Variants in LRP1B observed in about 807,000 individuals in gnomAD.
LRP1B encodes the protein LDL receptor related protein 1B, also known as low-density lipoprotein receptor-related protein 1B.
A neutral mutation model predicts 556.6 loss-of-function variants in LRP1B; 217 were observed. The ratio of observed to expected loss-of-function variants is 0.39; its 90% CI spans 0.35 to 0.44. The LOEUF (loss-of-function observed/expected upper bound fraction) is 0.44. Ranked by LOEUF, LRP1B falls within the 20% of genes least tolerant of loss-of-function variation. The pLI, the probability that LRP1B is intolerant of heterozygous loss-of-function variation, is 1.00. For missense variants in LRP1B, 5,053 were observed against 5,620.8 expected, an observed-to-expected ratio of 0.90 and a Z score of 3.23; for synonymous variants, 2,047 against 1,865.8, an observed-to-expected ratio of 1.10 and a Z score of -2.50.
Position 141,967,597 on chromosome 2 carries a change from C to T in LRP1B, c.83-157196G>A, listed in dbSNP as rs369774455. 3.2e-3 allele frequency among the ~76,000 whole-genome samples: 479 copies of T among 151,766 alleles called. 2 individuals carry two copies. The highest frequency in any genetic ancestry group is 6.6e-3 in the Admixed American group (101 of 15,196). On this transcript the variant is annotated intron_variant, in intron 1 of 90. Coordinates refer to ENST00000389484, the MANE Select transcript of LRP1B (RefSeq NM_018557.3). ...TAAAATTCAGAAAGTATAAATTAGA[C>T]AGTCAGAGAGGGAGGCACTATTTAA...
In LRP1B at chr2:141,337,989, T is replaced by A. The variant is rs541489682; in HGVS notation, c.344-83348A>T. On this transcript the variant is annotated intron_variant, in intron 3 of 90. Coordinates refer to ENST00000389484, the MANE Select transcript of LRP1B (RefSeq NM_018557.3). ...AAGTGCTGGGTCTTATTTTAAGTTC[T>A]ATGGAGGATGCTGATATTTTAATGC... Among the ~76,000 whole-genome samples, 13 of 152,288 alleles carry A rather than the reference T, an allele frequency of 8.5e-5. No individual in the cohort carries two copies. The South Asian group carries it at 2.5e-3, about 29-fold the overall frequency.
intron 35 of LRP1B, among the ~76,000 whole-genome samples, chr2:140,766,844 T>TATATATATATAA (rs1491148843): frequency 3.6e-5 from 2 of 54,936 alleles, no homozygotes; most frequent in African/African-American, 1.2e-4. Flanking sequence ...TATATATATA[T>TATATATATATAA]TATATATATA....
At chr2:142,053,411 T>C (rs1378121376) in intron 1 of LRP1B, among the ~76,000 whole-genome samples, 1 of 152,068 alleles carries the variant, frequency 6.6e-6, no homozygotes, top group Admixed American at 6.6e-5. Context: ...AATACAACTC[T>C]TAGACTCCAA....
At chr2:141,826,562 T>C (rs1696936384) in intron 1 of LRP1B, among the ~76,000 whole-genome samples, 1 of 152,156 alleles carries the variant, frequency 6.6e-6, no homozygotes, top group East Asian at 1.9e-4. Context: ...TGTTTCACCA[T>C]GTTAGCCAGG....
At chr2:141,650,132 A>T (rs577881766) in intron 2 of LRP1B, among the ~76,000 whole-genome samples, 27 of 152,328 alleles carry the variant, frequency 1.8e-4, no homozygotes, top group African/African-American at 6.0e-4. Context: ...GTCAGCCAAG[A>T]TTGTGCCAAT....
chr2:141,916,228 G>C (rs185868951), intron 1 of LRP1B, among the ~76,000 whole-genome samples: 21 of 151,982 alleles, frequency 1.4e-4, no homozygotes, highest in Admixed American at 6.6e-5. Flanking sequence ...ATACACCACC[G>C]GATACTACCC....
chr2:140,809,181 T>C lies in LRP1B; in HGVS notation c.5359+4476A>G, dbSNP rs150141004. On this transcript the variant is annotated intron_variant, in intron 32 of 90. Coordinates refer to ENST00000389484, the MANE Select transcript of LRP1B (RefSeq NM_018557.3). Reference sequence around the variant, plus strand: ...TTTTTTGTAGAGTGTTTGGCTTTTATAGTGTTAGCCTTCACAGCTTTCATA... The same window carrying C: ...TTTTTTGTAGAGTGTTTGGCTTTTACAGTGTTAGCCTTCACAGCTTTCATA... 4.9e-3 allele frequency among the ~76,000 whole-genome samples: 740 copies of C among 152,216 alleles called. 13 individuals carry two copies. Among genetic ancestry groups the C allele is most frequent in the African/African-American group, 0.016 (674 of 41,536 alleles).
intron 23 of LRP1B, among the ~76,000 whole-genome samples, chr2:140,895,427 G>T (rs1034403459): frequency 1.3e-5 from 2 of 152,178 alleles, no homozygotes; most frequent in African/African-American, 4.8e-5. Context: ...TACTCAGCCT[G>T]CGGCTCTCAA....
chr2:141,397,709 A>G (rs1319519364), intron 3 of LRP1B, among the ~76,000 whole-genome samples: 1 of 151,762 alleles, frequency 6.6e-6, no homozygotes, highest in African/African-American at 2.4e-5. Context: ...GGTAGTGATA[A>G]AAAGTACAGT....
intron 2 of LRP1B, among the ~76,000 whole-genome samples, chr2:141,790,661 G>T (rs540835064): frequency 7.9e-4 from 118 of 148,474 alleles, no homozygotes; most frequent in South Asian, 1.9e-3. Context: ...ACTGCCTTTT[G>T]TAATAAAAAA....
chr2:140,777,397 C>T (rs1443415399), intron 32 of LRP1B, among the ~76,000 whole-genome samples: 4 of 152,186 alleles, frequency 2.6e-5, no homozygotes, highest in East Asian at 1.9e-4. Context: ...ACACAGTTCT[C>T]TTCATTCTAG....
At chr2:141,093,410 A>G (rs973941790) in intron 7 of LRP1B, among the ~76,000 whole-genome samples, 2 of 152,196 alleles carry the variant, frequency 1.3e-5, no homozygotes, top group Non-Finnish European at 2.9e-5. Flanking sequence ...GTAAAATAGT[A>G]TAGCGTAGAA....
intron 1 of LRP1B, among the ~76,000 whole-genome samples, chr2:141,967,112 A>G (rs552003456): frequency 6.6e-6 from 1 of 151,962 alleles, no homozygotes; most frequent in Admixed American, 6.6e-5. Context: ...CTGTTGTTCC[A>G]CATGGAATTG....
chr2:141,614,080 C>CAGAAAAAAA lies in LRP1B; in HGVS notation c.206-133548_206-133547insTTTTTTTCT, dbSNP rs1553543025. On this transcript the variant is annotated intron_variant, in intron 2 of 90. Transcript: ENST00000389484. ...GGGCGATAAGAGCAAAACTCAGCCT[C>CAGAAAAAAA]AAAAAAAAAAAAAAAAAAAAAGAAA... Among the ~76,000 whole-genome samples, 36 of 47,352 alleles carry CAGAAAAAAA rather than the reference C, an allele frequency of 7.6e-4. 1 individual carries two copies. Among genetic ancestry groups the CAGAAAAAAA allele is most frequent in the South Asian group, 2.3e-3 (2 of 866 alleles). The allele number at this position is 47,352 out of a possible 152,430, so 31.1% of individuals were successfully genotyped here. A position where few individuals can be genotyped will look rare whatever the true frequency, so the allele number is the denominator to read the frequency against.
intron 59 of LRP1B, 103 bp downstream of exon 59, chr2:140,485,240 C>T (rs1688417601): frequency 9.2e-6 from 7 of 758,980 alleles, no homozygotes; most frequent in East Asian, 2.9e-5. Flanking sequence ...TGCACACTTA[C>T]ACGTTACATT....
intron 1 of LRP1B, among the ~76,000 whole-genome samples, chr2:141,837,929 A>G (rs1697341064): frequency 6.6e-6 from 1 of 152,158 alleles, no homozygotes; most frequent in Non-Finnish European, 1.5e-5. Context: ...GATATGGTGA[A>G]AAAATGTATG....
At chr2:140,809,234 A>G (rs2380889) in intron 32 of LRP1B, among the ~76,000 whole-genome samples, 70,225 of 151,654 alleles carry the variant, frequency 0.46, 17,396 homozygotes, top group East Asian at 0.58. Context: ...GTTAGTTTGC[A>G]TGGTATTTTT....
chr2:140,787,794 A>T (rs13006144), intron 32 of LRP1B, among the ~76,000 whole-genome samples: 64,339 of 151,500 alleles, frequency 0.42, 13,945 homozygotes, highest in African/African-American at 0.5. Flanking sequence ...AGGCTTGTTT[A>T]GAACTCCTGG....
intron 2 of LRP1B, among the ~76,000 whole-genome samples, chr2:141,563,429 G>A (rs1458242625): frequency 6.6e-6 from 1 of 152,060 alleles, no homozygotes; most frequent in Non-Finnish European, 1.5e-5. Context: ...AAGAAAACAG[G>A]ATGAAGGAAA....
Sources: allele counts gnomAD v4.1 joint callset (sites outside exome capture counted in the v4.1 genomes callset), GRCh38; gene constraint gnomAD v4.1.1; transcripts MANE v1.5; gene names NCBI Gene and HGNC (gene_info 2026-07-23, HGNC 2026-07-21).